RALA: variants seen among roughly 807,000 people sequenced by gnomAD.
RALA encodes RAS like proto-oncogene A, also known as ras-related protein Ral-A.
RALA carries 5 observed loss-of-function variants against 24.0 expected under a neutral mutation model. The ratio of observed to expected loss-of-function variants is 0.21; its 90% CI spans 0.11 to 0.44. The LOEUF (loss-of-function observed/expected upper bound fraction) is 0.44. Among genes scored for constraint, RALA ranks in the 20% least tolerant of loss-of-function variants. The probability of loss-of-function intolerance (pLI) is 0.99; values close to 1 mark genes in which losing one functional copy is unlikely to be tolerated. For synonymous variants in RALA, 77 were observed against 83.8 expected (o/e 0.92, Z 0.44); for missense variants, 95 against 241.2 (o/e 0.39, Z 4.01).
chr7:39,705,334 TAA>T (rs1206048317), intron 4 of RALA, among the ~76,000 whole-genome samples: 2 of 152,220 alleles, frequency 1.3e-5, no homozygotes. Flanking sequence ...ATTCTATAAG[TAA>T]AAACATTTTT....
chr7:39,633,978 G>T (rs1378212583), intron 1 of RALA, among the ~76,000 whole-genome samples: 1 of 152,152 alleles, frequency 6.6e-6, no homozygotes, highest in African/African-American at 2.4e-5. Flanking sequence ...ATAATTTCAA[G>T]ATTACCAGGT....
At chr7:39,683,872 C>A (rs1792649371) in intron 1 of RALA, among the ~76,000 whole-genome samples, 1 of 147,090 alleles carries the variant, frequency 6.8e-6, no homozygotes, top group South Asian at 2.2e-4. Context: ...CACACACACA[C>A]AACTCTTAGA....
chr7:39,664,490 A>C (rs1286753651), intron 1 of RALA, among the ~76,000 whole-genome samples: 1 of 152,136 alleles, frequency 6.6e-6, no homozygotes, highest in Non-Finnish European at 1.5e-5. Flanking sequence ...GAAGTAGTCT[A>C]CTTGCCACCA....
intron 1 of RALA, among the ~76,000 whole-genome samples, chr7:39,636,278 A>G (rs1449743158): frequency 6.6e-6 from 1 of 152,210 alleles, no homozygotes; most frequent in Non-Finnish European, 1.5e-5. Flanking sequence ...CATTTTGAAG[A>G]CCAGCCAAAC....
chr7:39,691,242 T>C (rs3823742), intron 3 of RALA, among the ~76,000 whole-genome samples: 101,848 of 152,076 alleles, frequency 0.67, 34,901 homozygotes, highest in African/African-American at 0.81. Flanking sequence ...TCCTCTATAT[T>C]TAAGAGGTAT....
At chr7:39,667,361 G>T (rs1792302565) in intron 1 of RALA, among the ~76,000 whole-genome samples, 1 of 152,190 alleles carries the variant, frequency 6.6e-6, no homozygotes, top group African/African-American at 2.4e-5. Flanking sequence ...ACAGGAAAAA[G>T]AATTTACAGA....
chr7:39,661,631 C>T (rs780921496), intron 1 of RALA, among the ~76,000 whole-genome samples: 2 of 152,202 alleles, frequency 1.3e-5, no homozygotes, highest in Non-Finnish European at 2.9e-5. Flanking sequence ...GGTGGGTTCC[C>T]ATGGTCTTGG....
At chr7:39,646,577 A>C (rs1272725327) in intron 1 of RALA, among the ~76,000 whole-genome samples, 1 of 151,978 alleles carries the variant, frequency 6.6e-6, no homozygotes, top group South Asian at 2.1e-4. Context: ...CTAGTGAGCC[A>C]TGTTCTTGCT....
chr7:39,687,158 G>A (rs868068095), intron 2 of RALA, among the ~76,000 whole-genome samples: 28 of 152,102 alleles, frequency 1.8e-4, no homozygotes, highest in African/African-American at 6.5e-4. Flanking sequence ...GGGCACGCAC[G>A]GTGGCTCACG....
intron 1 of RALA, among the ~76,000 whole-genome samples, chr7:39,678,626 A>G (rs1792530717): frequency 6.6e-6 from 1 of 152,214 alleles, no homozygotes; most frequent in South Asian, 2.1e-4. Context: ...TTGAGGAGCC[A>G]AATAAGTCAC....
chr7:39,658,399 G>T (rs1583722734), intron 1 of RALA, among the ~76,000 whole-genome samples: 1 of 152,236 alleles, frequency 6.6e-6, no homozygotes, highest in East Asian at 1.9e-4. Flanking sequence ...AAAGTAGTAT[G>T]TTCAGTCTGT....
intron 1 of RALA, among the ~76,000 whole-genome samples, chr7:39,635,299 CA>C (rs1215488621): frequency 6.6e-6 from 1 of 152,146 alleles, no homozygotes; most frequent in Middle Eastern, 3.2e-3. Context: ...CGCTTGAGCC[CA>C]GGAGGTGGAG....
chr7:39,669,146 G>A (rs1453516040), intron 1 of RALA, among the ~76,000 whole-genome samples: 1 of 151,906 alleles, frequency 6.6e-6, no homozygotes, highest in East Asian at 1.9e-4. Context: ...AATACAAGTG[G>A]GACGTAAGTA....
intron 1 of RALA, among the ~76,000 whole-genome samples, chr7:39,626,172 CCTT>C (rs1192705797): frequency 5.9e-5 from 9 of 152,214 alleles, no homozygotes; most frequent in Non-Finnish European, 1.3e-4. Flanking sequence ...GTTAGATTTT[CCTT>C]CTTTAATTCA....
intron 1 of RALA, among the ~76,000 whole-genome samples, chr7:39,679,558 TTTTA>T (rs1792550348): frequency 6.6e-6 from 1 of 152,212 alleles, no homozygotes; most frequent in Non-Finnish European, 1.5e-5. Flanking sequence ...TCCTGCAGTT[TTTTA>T]TTTATAGTAA....
intron 4 of RALA, 121 bp from the exon 5 acceptor site, chr7:39,706,002 C>G: frequency 1.1e-6 from 1 of 885,890 alleles, no homozygotes; most frequent in Non-Finnish European, 1.7e-6. Context: ...CTCTGTACTC[C>G]CAAACAAGAG....
intron 1 of RALA, among the ~76,000 whole-genome samples, chr7:39,683,256 CCTT>C (rs776372076): frequency 8.5e-5 from 13 of 152,284 alleles, no homozygotes; most frequent in East Asian, 1.9e-4. Context: ...TGTACTCTGG[CCTT>C]CTTCTGCTTC....
intron 1 of RALA, among the ~76,000 whole-genome samples, chr7:39,648,612 G>C (rs1198828890): frequency 6.6e-6 from 1 of 152,186 alleles, no homozygotes; most frequent in African/African-American, 2.4e-5. Context: ...TAATCTTCCA[G>C]TAGAAGGAAT....
chr7:39,688,394 C>CT, intron 2 of RALA, among the ~76,000 whole-genome samples: 1 of 72,144 alleles, frequency 1.4e-5, no homozygotes, highest in South Asian at 3.8e-4. Flanking sequence ...ACCCCTGTCT[C>CT]TTAAAAAAAA....
Sources: gnomAD v4.1 joint callset for allele counts (sites outside exome capture counted in the v4.1 genomes callset) on GRCh38, gnomAD v4.1.1 for gene constraint, MANE v1.5 for transcripts, NCBI Gene and HGNC (gene_info 2026-07-23, HGNC 2026-07-21) for gene names.